Variants in PLXNA2 observed in about 807,000 individuals in gnomAD.
The protein encoded by PLXNA2 is plexin-A2.
Under a neutral mutation model 193.5 loss-of-function variants are expected in PLXNA2, and 91 were observed. That is an observed-to-expected ratio of 0.47 (90% CI 0.40 to 0.56). The LOEUF is 0.56. Ranked by LOEUF, PLXNA2 falls within the 20% of genes least tolerant of loss-of-function variation. The pLI, the probability that PLXNA2 is intolerant of heterozygous loss-of-function variation, is 0.00. For missense variants in PLXNA2, 1,995 were observed against 2,503.2 expected (o/e 0.80, Z 4.33); for synonymous variants, 997 against 1,027.3 (o/e 0.97, Z 0.56).
chr1:208,204,237 T>C (rs894908778), intron 3 of PLXNA2, among the ~76,000 whole-genome samples: 1 of 151,806 alleles, frequency 6.6e-6, no homozygotes, highest in Middle Eastern at 3.4e-3. Flanking sequence ...ATCCCAAGAG[T>C]CATACAGAGA....
chr1:208,100,971 C>G (rs935462778), intron 5 of PLXNA2, among the ~76,000 whole-genome samples: 5 of 152,220 alleles, frequency 3.3e-5, no homozygotes, highest in African/African-American at 1.2e-4. Flanking sequence ...GATTCGCACC[C>G]TAACTCCCTC....
intron 3 of PLXNA2, among the ~76,000 whole-genome samples, chr1:208,206,733 T>G (rs1382234742): frequency 6.6e-6 from 1 of 151,962 alleles, no homozygotes; most frequent in African/African-American, 2.4e-5. Flanking sequence ...TGCAATGCAC[T>G]GACCCTTAGC....
chr1:208,209,095 G>C (rs1670840626), intron 3 of PLXNA2, among the ~76,000 whole-genome samples: 1 of 152,156 alleles, frequency 6.6e-6, no homozygotes, highest in Admixed American at 6.5e-5. Context: ...AGGCAGAGTG[G>C]AGGGCACAGA....
chr1:208,087,073 C>G (rs1666555472), intron 9 of PLXNA2, among the ~76,000 whole-genome samples: 1 of 151,268 alleles, frequency 6.6e-6, no homozygotes, highest in African/African-American at 2.4e-5. Flanking sequence ...TACTCCGAAC[C>G]AGCTGATGAA....
chr1:208,034,360 C>A, intron 27 of PLXNA2, 133 bp downstream of exon 27: 1 of 638,930 alleles, frequency 1.6e-6, no homozygotes, highest in Non-Finnish European at 2.8e-6. Context: ...AGGACAGAAA[C>A]CAACTGGCAG....
At position 208,082,406 on chromosome 1, in the gene PLXNA2, G is replaced by A. The variant is rs776866324; in HGVS notation, c.2395+6C>T. The A allele has an allele frequency of 3.7e-6, 6 of 1,611,968 alleles. No homozygotes were observed. The highest frequency in any genetic ancestry group is 1.7e-5 in the Admixed American group (1 of 59,988). On this transcript the variant is annotated splice_donor_region_variant and intron_variant, in intron 11 of 31. Coordinates refer to ENST00000367033, the MANE Select transcript of PLXNA2 (RefSeq NM_025179.4). The surrounding 1 kb of genome is among the most constrained non-coding windows in gnomAD (Gnocchi z 4.2). ...ATCAAACTTCTACCCGGAAGTAGCCGCTTACCTTTCAGGTCCTGAGGGTTG... is the reference window on the plus strand; with the variant it reads ...ATCAAACTTCTACCCGGAAGTAGCCACTTACCTTTCAGGTCCTGAGGGTTG...
At chr1:208,142,167 C>T (rs1483729896) in intron 4 of PLXNA2, among the ~76,000 whole-genome samples, 162 bp downstream of exon 4, 1 of 152,236 alleles carries the variant, frequency 6.6e-6, no homozygotes, top group South Asian at 2.1e-4. Flanking sequence ...CTGCTTCTCT[C>T]TAGCTCCCTG....
At chr1:208,185,885 A>C (rs936486664) in intron 3 of PLXNA2, among the ~76,000 whole-genome samples, 8 of 152,094 alleles carry the variant, frequency 5.3e-5, no homozygotes, top group Non-Finnish European at 1.2e-4. Flanking sequence ...AGAATGGGCC[A>C]CATCTCTGTG....
At chr1:208,083,118 C>T (rs1372539493) in intron 10 of PLXNA2, among the ~76,000 whole-genome samples, 1 of 152,168 alleles carries the variant, frequency 6.6e-6, no homozygotes, top group East Asian at 1.9e-4. Flanking sequence ...TGCGGTGGCC[C>T]TCTATTTCCG....
intron 3 of PLXNA2, among the ~76,000 whole-genome samples, chr1:208,160,275 G>A (rs970154005): frequency 6.6e-6 from 1 of 152,202 alleles, no homozygotes; most frequent in Non-Finnish European, 1.5e-5. Context: ...CTGGGCCTCT[G>A]GCTCTGGAGC....
intron 1 of PLXNA2, among the ~76,000 whole-genome samples, chr1:208,226,752 A>G (rs960009014): frequency 6.6e-6 from 1 of 152,156 alleles, no homozygotes; most frequent in Non-Finnish European, 1.5e-5. Context: ...AAATACAAGA[A>G]CAATCAATTT....
chr1:208,218,173 T>C (rs1378353360), intron 1 of PLXNA2, 171 bp from the exon 2 acceptor site: 12 of 610,882 alleles, frequency 2.0e-5, no homozygotes, highest in Non-Finnish European at 3.1e-5. Flanking sequence ...GTTCAGGGAA[T>C]CCTGTTATCT....
Position 208,044,566 on chromosome 1 carries a change from CT to C in PLXNA2, c.3815del (p.Lys1272SerfsTer32). On this transcript the variant is annotated frameshift_variant, in exon 20 of 32. Coordinates refer to ENST00000367033, the MANE Select transcript of PLXNA2 (RefSeq NM_025179.4). LOFTEE classifies it high-confidence loss of function. The surrounding 1 kb of genome is among the most constrained non-coding windows in gnomAD (Gnocchi z 4.9). The stretch of plus-strand genomic sequence containing the variant: ...GATTGTCCATCTGCATTTGCAGCCG[CT>C]TGAGAGTGAGGTCATTTTCTCGAGA... ...RKSRENDLTL[K>X]RLQMQMDNLE... The C allele has an allele frequency of 6.2e-7, 1 of 1,614,126 alleles. No homozygotes were observed. Among genetic ancestry groups the C allele is most frequent in the Non-Finnish European group, 8.5e-7 (1 of 1,180,018 alleles).
chr1:208,037,408 G>T (rs1664704270), intron 26 of PLXNA2, among the ~76,000 whole-genome samples: 1 of 152,218 alleles, frequency 6.6e-6, no homozygotes, highest in East Asian at 1.9e-4. Flanking sequence ...GCCAGCTCCA[G>T]CGCCTGGTGG....
intron 28 of PLXNA2, 54 bp from the exon 29 acceptor site, chr1:208,031,813 A>G (rs1664513973): frequency 7.0e-7 from 1 of 1,432,474 alleles, no homozygotes; most frequent in Non-Finnish European, 9.6e-7. Context: ...CAGGTAGCAG[A>G]CAGGCATACC....
chr1:208,196,065 G>A (rs1368518314), intron 3 of PLXNA2, among the ~76,000 whole-genome samples: 3 of 152,082 alleles, frequency 2.0e-5, no homozygotes, highest in Admixed American at 6.5e-5. Context: ...TGAAGGGGGC[G>A]AGTATAGTTA....
chr1:208,126,044 C>A (rs909490803), intron 4 of PLXNA2, among the ~76,000 whole-genome samples: 1 of 152,220 alleles, frequency 6.6e-6, no homozygotes, highest in Admixed American at 6.5e-5. Context: ...GCTCTTTAGT[C>A]TGTACTGCAT....
At position 208,028,774 on chromosome 1, in the gene PLXNA2, A is replaced by G; in HGVS notation, c.5438+56T>C. The stretch of plus-strand genomic sequence containing the variant: ...AGTCCTTAGTCAGTGATGACTATAG[A>G]GCGGGGAATGGGCAGGGAGACAAGG... On this transcript the variant is annotated intron_variant, in intron 30 of 31. Coordinates refer to ENST00000367033, the MANE Select transcript of PLXNA2 (RefSeq NM_025179.4). This position sits in a 1 kb window ranked among gnomAD's most constrained non-coding sequence, Gnocchi z 4.2. 1 of 1,500,960 alleles carries G rather than the reference A, an allele frequency of 6.7e-7. No individual in the cohort carries two copies. The highest frequency in any genetic ancestry group is 9.2e-7 in the Non-Finnish European group (1 of 1,088,010). 93.0% of individuals were successfully genotyped at this position (1,500,960 alleles called of 1,614,324 possible).
intron 3 of PLXNA2, among the ~76,000 whole-genome samples, chr1:208,206,910 C>T (rs1165720563): frequency 6.6e-6 from 1 of 151,704 alleles, no homozygotes; most frequent in Non-Finnish European, 1.5e-5. Context: ...ATTACAGGTG[C>T]ATGCCACCAT....
Sources: gnomAD v4.1 joint callset for allele counts (sites outside exome capture counted in the v4.1 genomes callset) on GRCh38, gnomAD v4.1.1 for gene constraint, Gnocchi (gnomAD v3.1) non-coding constraint, MANE v1.5 for transcripts, NCBI Gene and HGNC (gene_info 2026-07-23, HGNC 2026-07-21) for gene names.